PLCB1: variants seen among roughly 807,000 people sequenced by gnomAD.
PLCB1 encodes the protein 1-phosphatidylinositol 4,5-bisphosphate phosphodiesterase beta-1.
Under a neutral mutation model 161.8 loss-of-function variants are expected in PLCB1, and 46 were observed. The ratio of observed to expected loss-of-function variants is 0.28; its 90% confidence interval spans 0.22 to 0.36. PLCB1 has a LOEUF of 0.36. PLCB1 is among the 10% of genes least tolerant of loss of function. PLCB1 has a pLI of 1.00. For missense variants in PLCB1, 1,016 were observed against 1,472.5 expected, an observed-to-expected ratio of 0.69 and a Z score of 5.07; for synonymous variants, 517 against 503.7, an observed-to-expected ratio of 1.03 and a Z score of -0.35.
chr20:8,218,565 G>A (rs1369484187), intron 2 of PLCB1, among the ~76,000 whole-genome samples: 5 of 151,862 alleles, frequency 3.3e-5, no homozygotes, highest in African/African-American at 1.2e-4. Flanking sequence ...ACTTCACAGA[G>A]CTATTTTGAA....
chr20:8,262,748 G>A (rs1284422915), intron 2 of PLCB1, among the ~76,000 whole-genome samples: 6 of 152,160 alleles, frequency 3.9e-5, no homozygotes, highest in Non-Finnish European at 7.4e-5. Context: ...GGAAGTCTAA[G>A]ATGAAAGTGC....
chr20:8,856,210 C>A (rs915510370), intron 31 of PLCB1, among the ~76,000 whole-genome samples: 1 of 151,972 alleles, frequency 6.6e-6, no homozygotes, highest in African/African-American at 2.4e-5. Context: ...ATTCCTATAA[C>A]ACTTTATTTT....
At chr20:8,443,579 C>T (rs754568901) in intron 3 of PLCB1, among the ~76,000 whole-genome samples, 8 of 152,194 alleles carry the variant, frequency 5.3e-5, no homozygotes, top group Non-Finnish European at 7.3e-5. Context: ...CTTTCCTACT[C>T]CTTACCCCAG....
At chr20:8,453,962 T>C (rs1981185632) in intron 3 of PLCB1, among the ~76,000 whole-genome samples, 1 of 152,078 alleles carries the variant, frequency 6.6e-6, no homozygotes, top group African/African-American at 2.4e-5. Context: ...GATGTCCTTT[T>C]AAGAAGAGGA....
intron 3 of PLCB1, among the ~76,000 whole-genome samples, chr20:8,381,892 AAAG>A (rs141455278): frequency 0.026 from 3,990 of 152,134 alleles, 174 homozygotes; most frequent in African/African-American, 0.089. Context: ...TTCGGGAAAA[AAAG>A]AAGAAGCTCC....
intron 2 of PLCB1, among the ~76,000 whole-genome samples, chr20:8,207,321 A>G (rs1250151137): frequency 6.6e-6 from 1 of 152,196 alleles, no homozygotes; most frequent in African/African-American, 2.4e-5. Context: ...AGTCTAGTTT[A>G]TATTATACGG....
At chr20:8,170,463 T>C (rs2051722316) in intron 2 of PLCB1, among the ~76,000 whole-genome samples, 1 of 152,154 alleles carries the variant, frequency 6.6e-6, no homozygotes, top group Non-Finnish European at 1.5e-5. Flanking sequence ...TTTGCAGATT[T>C]ATTTTAAATC....
intron 31 of PLCB1, among the ~76,000 whole-genome samples, chr20:8,847,201 T>C (rs1986720086): frequency 7.4e-6 from 1 of 134,626 alleles, no homozygotes; most frequent in Admixed American, 8.2e-5. Context: ...ATTCTGATTC[T>C]GAAGCTCAGG....
intron 3 of PLCB1, among the ~76,000 whole-genome samples, chr20:8,407,298 C>T (rs1978826870): frequency 6.6e-6 from 1 of 151,968 alleles, no homozygotes; most frequent in Non-Finnish European, 1.5e-5. Flanking sequence ...GAGTATCTTC[C>T]AAAGAGTACA....
intron 2 of PLCB1, among the ~76,000 whole-genome samples, chr20:8,183,018 T>C (rs139109740): frequency 3.3e-5 from 5 of 152,300 alleles, no homozygotes; most frequent in Admixed American, 1.3e-4. Flanking sequence ...CCCGTGAAGC[T>C]GCATTCAGCT....
intron 3 of PLCB1, among the ~76,000 whole-genome samples, chr20:8,593,482 C>A (rs1394247161): frequency 1.3e-5 from 2 of 152,060 alleles, no homozygotes; most frequent in Non-Finnish European, 2.9e-5. Flanking sequence ...GTGTGAGCCA[C>A]CACACCCAGC....
chr20:8,512,964 C>A (rs187559912), intron 3 of PLCB1, among the ~76,000 whole-genome samples: 1 of 152,142 alleles, frequency 6.6e-6, no homozygotes, highest in Admixed American at 6.5e-5. Flanking sequence ...CCTCTCCCAA[C>A]GTCTGGTAGC....
chr20:8,742,911 T>C (rs1980959100), intron 23 of PLCB1, among the ~76,000 whole-genome samples: 1 of 152,256 alleles, frequency 6.6e-6, no homozygotes, highest in Non-Finnish European at 1.5e-5. Context: ...TTTTTAATCC[T>C]GCAACTTTAC....
At chr20:8,681,526 A>G (rs1990220992) in intron 9 of PLCB1, among the ~76,000 whole-genome samples, 1 of 152,162 alleles carries the variant, frequency 6.6e-6, no homozygotes, top group African/African-American at 2.4e-5. Context: ...TTTCATGTTC[A>G]ATAAACCATT....
intron 18 of PLCB1, among the ~76,000 whole-genome samples, chr20:8,731,275 T>A (rs1568576315): frequency 6.6e-6 from 1 of 151,968 alleles, no homozygotes; most frequent in Non-Finnish European, 1.5e-5. Flanking sequence ...TATAATCAAA[T>A]CAGAGTAATT....
chr20:8,662,055 A>T (rs1469412548), intron 9 of PLCB1, among the ~76,000 whole-genome samples: 1 of 16,648 alleles, frequency 6.0e-5, no homozygotes, highest in Non-Finnish European at 1.2e-4. Flanking sequence ...ATATATAATT[A>T]TATATTTATT....
intron 3 of PLCB1, among the ~76,000 whole-genome samples, chr20:8,517,043 A>G (rs186280236): frequency 6.6e-6 from 1 of 151,880 alleles, no homozygotes; most frequent in East Asian, 1.9e-4. Context: ...GCTAGAGCTG[A>G]CTCTTGAAGG....
chr20:8,262,239 G>A (rs975172489), intron 2 of PLCB1, among the ~76,000 whole-genome samples: 1 of 138,402 alleles, frequency 7.2e-6, no homozygotes, highest in East Asian at 2.3e-4. Context: ...ATGCCACCAC[G>A]CCAGGCTACT....
intron 3 of PLCB1, among the ~76,000 whole-genome samples, chr20:8,473,693 A>G (rs1982153045): frequency 6.6e-6 from 1 of 152,176 alleles, no homozygotes; most frequent in African/African-American, 2.4e-5. Flanking sequence ...ATAGAAAATG[A>G]CATCATGTAA....
Sources: gnomAD v4.1 joint callset for allele counts (sites outside exome capture counted in the v4.1 genomes callset) on GRCh38, gnomAD v4.1.1 for gene constraint, MANE v1.5 for transcripts, NCBI Gene and HGNC (gene_info 2026-07-23, HGNC 2026-07-21) for gene names.